ADGRL2: variants seen among roughly 807,000 people sequenced by gnomAD.
ADGRL2 encodes the protein adhesion G protein-coupled receptor L2, also known as calcium-independent alpha-latrotoxin receptor 2.
ADGRL2 carries 44 observed loss-of-function variants against 157.4 expected under a neutral mutation model. That is an observed-to-expected ratio of 0.28 (90% CI 0.22 to 0.36). The LOEUF (loss-of-function observed/expected upper bound fraction) is 0.36, where lower values mean the gene tolerates loss of function less well. ADGRL2 is among the 10% of genes least tolerant of loss of function. The probability of loss-of-function intolerance (pLI) is 1.00; values close to 1 mark genes in which losing one functional copy is unlikely to be tolerated. For missense variants in ADGRL2, 1,510 were observed against 1,768.9 expected (o/e 0.85, Z 2.63); for synonymous variants, 585 against 624.7 (o/e 0.94, Z 0.95).
At chr1:81,557,027 A>G in intron 2 of ADGRL2, 1 of 178,700 alleles carries the variant, frequency 5.6e-6, no homozygotes, top group Non-Finnish European at 1.1e-5. Flanking sequence ...GTCTCAAAAA[A>G]AAAAAAAAGA....
intron 3 of ADGRL2, among the ~76,000 whole-genome samples, chr1:81,618,003 T>C (rs867667855): frequency 3.3e-5 from 5 of 152,142 alleles, no homozygotes; most frequent in Non-Finnish European, 7.3e-5. Flanking sequence ...TCTTTTGTTT[T>C]CAATTGCTGA....
At chr1:81,818,675 T>A (rs34299832) in intron 1 of ADGRL2, among the ~76,000 whole-genome samples, 21,142 of 152,188 alleles carry the variant, frequency 0.14, 1,672 homozygotes, top group East Asian at 0.2. Flanking sequence ...ACTGTACTGT[T>A]ATGTAAGGAC....
intron 3 of ADGRL2, among the ~76,000 whole-genome samples, chr1:81,588,937 C>G (rs921277730): frequency 1.1e-4 from 16 of 152,124 alleles, no homozygotes; most frequent in African/African-American, 3.6e-4. Flanking sequence ...GGAAGTTTCC[C>G]TCCTGTGGGA....
At chr1:81,904,807 T>C (rs1004223916) in intron 2 of ADGRL2, among the ~76,000 whole-genome samples, 1 of 151,992 alleles carries the variant, frequency 6.6e-6, no homozygotes, top group African/African-American at 2.4e-5. Flanking sequence ...CTCAGGAGGC[T>C]GAGGCAGGAG....
At chr1:81,767,117 A>G (rs1451492492) in intron 2 of ADGRL2, among the ~76,000 whole-genome samples, 1 of 152,126 alleles carries the variant, frequency 6.6e-6, no homozygotes, top group Non-Finnish European at 1.5e-5. Flanking sequence ...GTATTTATCT[A>G]TGACTCTTCT....
intron 1 of ADGRL2, among the ~76,000 whole-genome samples, chr1:81,737,307 A>G (rs2084934255): frequency 6.6e-6 from 1 of 152,346 alleles, no homozygotes; most frequent in African/African-American, 2.4e-5. Flanking sequence ...CAGGAAACTT[A>G]CAATCATGGC....
chr1:81,373,978 A>T (rs1431536867), intron 1 of ADGRL2, among the ~76,000 whole-genome samples: 1 of 152,204 alleles, frequency 6.6e-6, no homozygotes, highest in African/African-American at 2.4e-5. Context: ...ACATCACATA[A>T]ATCTTAGATT....
intron 3 of ADGRL2, among the ~76,000 whole-genome samples, chr1:81,673,734 G>T (rs1414600395): frequency 2.6e-5 from 4 of 151,944 alleles, no homozygotes; most frequent in East Asian, 3.9e-4. Context: ...AGCCAGGATG[G>T]TCTCGATCTC....
At chr1:81,794,125 T>C (rs1446295531) in intron 2 of ADGRL2, among the ~76,000 whole-genome samples, 1 of 152,198 alleles carries the variant, frequency 6.6e-6, no homozygotes, top group Non-Finnish European at 1.5e-5. Context: ...TAATGAATTA[T>C]TGTGTTTCAG....
chr1:81,738,985 G>A (rs546957925), intron 1 of ADGRL2, among the ~76,000 whole-genome samples: 1 of 152,284 alleles, frequency 6.6e-6, no homozygotes, highest in South Asian at 2.1e-4. Context: ...AGGGACCAGT[G>A]GCCTAGTGCC....
Position 81,523,476 on chromosome 1 carries a change from A to G in ADGRL2, c.-247-57400A>G, listed in dbSNP as rs78794778. Among the ~76,000 whole-genome samples the G allele has an allele frequency of 1.8e-4, 28 of 152,298 alleles. No individual in the cohort carries two copies. The East Asian group carries it at 5.4e-3, about 29-fold the overall frequency. The stretch of plus-strand genomic sequence containing the variant: ...AGAGATAGAACAATAATTTGAATCT[A>G]TAACTCATCTATACCATAAGTCAAT... On this transcript the variant is annotated intron_variant, in intron 2 of 24. Transcript: ENST00000370721.
intron 2 of ADGRL2, among the ~76,000 whole-genome samples, chr1:81,774,823 T>C (rs564267929): frequency 9.2e-5 from 14 of 152,202 alleles, no homozygotes; most frequent in African/African-American, 3.1e-4. Flanking sequence ...ATATATATGT[T>C]ATGTTATATG....
At chr1:81,842,261 C>T (rs927692416) in intron 2 of ADGRL2, among the ~76,000 whole-genome samples, 1 of 148,146 alleles carries the variant, frequency 6.8e-6, no homozygotes, top group Non-Finnish European at 1.5e-5. Flanking sequence ...GAGTTAGTAT[C>T]TGTTTCTTTG....
chr1:81,939,873 G>A (rs566046476), intron 4 of ADGRL2, among the ~76,000 whole-genome samples: 2 of 151,232 alleles, frequency 1.3e-5, no homozygotes, highest in African/African-American at 4.8e-5. Context: ...TTGTTGTAAA[G>A]AGCAATGTTT....
At chr1:81,770,961 T>C (rs1273174298) in intron 2 of ADGRL2, among the ~76,000 whole-genome samples, 1 of 152,154 alleles carries the variant, frequency 6.6e-6, no homozygotes, top group Non-Finnish European at 1.5e-5. Flanking sequence ...CTAAACTTTC[T>C]TATTAATTCT....
At chr1:81,674,182 T>C (rs72716686) in intron 3 of ADGRL2, among the ~76,000 whole-genome samples, 2,719 of 152,346 alleles carry the variant, frequency 0.018, 32 homozygotes, top group South Asian at 0.053. Flanking sequence ...GTTTACCTTT[T>C]TTGCCTTGAA....
chr1:81,798,149 C>A (rs2149443454), upstream of ADGRL2, among the ~76,000 whole-genome samples: 1 of 152,216 alleles, frequency 6.6e-6, no homozygotes, highest in African/African-American at 2.4e-5. Flanking sequence ...CTTCTCATTT[C>A]ATTTTTTTCT....
intron 2 of ADGRL2, among the ~76,000 whole-genome samples, chr1:81,463,854 G>A (rs1486804361): frequency 6.6e-6 from 1 of 152,068 alleles, no homozygotes; most frequent in Non-Finnish European, 1.5e-5. Context: ...CAGTAAGAAT[G>A]AAAATATCAC....
At chr1:81,378,094 G>A (rs940457778) in intron 1 of ADGRL2, among the ~76,000 whole-genome samples, 4 of 151,812 alleles carry the variant, frequency 2.6e-5, no homozygotes, top group Admixed American at 6.6e-5. Context: ...CAGGGGAATC[G>A]CTTGAACCCA....
Sources: gnomAD v4.1 joint callset for allele counts (sites outside exome capture counted in the v4.1 genomes callset) on GRCh38, gnomAD v4.1.1 for gene constraint, MANE v1.5 for transcripts, NCBI Gene and HGNC (gene_info 2026-07-23, HGNC 2026-07-21) for gene names.